The following C13orf42 variants were observed in gnomAD, a reference collection of about 807,000 sequenced individuals.
The protein encoded by C13orf42 is chromosome 13 open reading frame 42, also known as uncharacterized protein C13orf42.
At chr13:51,158,812 T>C (rs1028413911) in intron 1 of C13orf42, among the ~76,000 whole-genome samples, 6 of 152,240 alleles carry the variant, frequency 3.9e-5, no homozygotes, top group Non-Finnish European at 5.9e-5. Context: ...GTGGAACTGA[T>C]TGCACCAGCC....
At chr13:51,155,049 A>G (rs1451314077) in intron 1 of C13orf42, among the ~76,000 whole-genome samples, 2 of 152,216 alleles carry the variant, frequency 1.3e-5, no homozygotes, top group Admixed American at 1.3e-4. Flanking sequence ...AGAAATATAT[A>G]TCTAATACCT....
At chr13:51,117,148 G>A (rs937726030) in intron 1 of C13orf42, among the ~76,000 whole-genome samples, 1 of 152,242 alleles carries the variant, frequency 6.6e-6, no homozygotes, top group African/African-American at 2.4e-5. Flanking sequence ...GTGGAAGTAA[G>A]GAGGACGTCA....
intron 1 of C13orf42, among the ~76,000 whole-genome samples, chr13:51,165,107 T>C (rs888330386): frequency 7.2e-5 from 11 of 152,190 alleles, no homozygotes; most frequent in Non-Finnish European, 1.5e-4. Flanking sequence ...CCTGGCTTAT[T>C]TGGACTCTGT....
intron 1 of C13orf42, among the ~76,000 whole-genome samples, chr13:51,155,966 C>T (rs1216503064): frequency 3.3e-5 from 5 of 152,186 alleles, no homozygotes; most frequent in Non-Finnish European, 7.3e-5. Context: ...ATTTCAACAG[C>T]TTCCAGACTC....
chr13:51,134,237 C>A (rs1406688295), intron 1 of C13orf42, among the ~76,000 whole-genome samples: 1 of 152,192 alleles, frequency 6.6e-6, no homozygotes, highest in Non-Finnish European at 1.5e-5. Context: ...AATCCACCCC[C>A]ACATCAAAAA....
chr13:51,099,269 G>A (rs9596449), intron 1 of C13orf42, among the ~76,000 whole-genome samples: 4,411 of 152,176 alleles, frequency 0.029, 77 homozygotes, highest in African/African-American at 0.058. Flanking sequence ...GGGAGTTTAT[G>A]AAACAAGAAC....
chr13:51,086,316 A>C (rs1255396892), intron 2 of C13orf42, among the ~76,000 whole-genome samples: 8 of 135,724 alleles, frequency 5.9e-5, no homozygotes, highest in African/African-American at 1.4e-4. Flanking sequence ...AAAAAAAAAA[A>C]CAAAAAAAAA....
intron 1 of C13orf42, among the ~76,000 whole-genome samples, chr13:51,151,786 AGAG>A (rs1275452956): frequency 2.6e-5 from 4 of 152,254 alleles, no homozygotes; most frequent in South Asian, 2.1e-4. Context: ...TTCCTGGAGC[AGAG>A]GAGACATTTC....
chr13:51,132,302 G>A (rs1025349030), intron 1 of C13orf42, among the ~76,000 whole-genome samples: 2 of 152,004 alleles, frequency 1.3e-5, no homozygotes, highest in East Asian at 1.9e-4. Flanking sequence ...TTAGCTTGAC[G>A]TGGTGGCGTA....
chr13:51,139,993 T>C (rs767010040), intron 1 of C13orf42, among the ~76,000 whole-genome samples: 1 of 152,092 alleles, frequency 6.6e-6, no homozygotes. Flanking sequence ...TGGTAAGAAG[T>C]GTGAAAGAAA....
At chr13:51,149,832 C>T (rs935850118) in intron 1 of C13orf42, among the ~76,000 whole-genome samples, 7 of 152,268 alleles carry the variant, frequency 4.6e-5, no homozygotes, top group South Asian at 4.1e-4. Flanking sequence ...CTTTCTCTGA[C>T]GTTTTTAGGC....
At chr13:51,111,543 G>A (rs1186205674), upstream of C13orf42, among the ~76,000 whole-genome samples, 1 of 152,232 alleles carries the variant, frequency 6.6e-6, no homozygotes, top group East Asian at 1.9e-4. Flanking sequence ...CCAGCTGGAT[G>A]AAGAAAGTGG....
intron 1 of C13orf42, among the ~76,000 whole-genome samples, chr13:51,136,937 C>A (rs1953662217): frequency 6.6e-6 from 1 of 152,180 alleles, no homozygotes; most frequent in Non-Finnish European, 1.5e-5. Flanking sequence ...TTTCTGCTGT[C>A]CCTGCTTCTC....
At chr13:51,087,876 C>T in intron 2 of C13orf42, 52 bp downstream of exon 2, 1 of 398,628 alleles carries the variant, frequency 2.5e-6, no homozygotes, top group Non-Finnish European at 4.4e-6. Flanking sequence ...CACAGCATCA[C>T]AGCCCCACCC....
intron 1 of C13orf42, among the ~76,000 whole-genome samples, chr13:51,158,185 T>A (rs1953838662): frequency 6.6e-6 from 1 of 152,206 alleles, no homozygotes; most frequent in African/African-American, 2.4e-5. Flanking sequence ...TAAGTAGAGA[T>A]GCCAGGATTT....
intron 1 of C13orf42, among the ~76,000 whole-genome samples, chr13:51,145,487 C>A (rs1953727330): frequency 6.6e-6 from 1 of 152,148 alleles, no homozygotes; most frequent in South Asian, 2.1e-4. Flanking sequence ...CAGATGAAAC[C>A]TGAGACCAGA....
At chr13:51,110,071 A>C (rs1953410152) in intron 1 of C13orf42, among the ~76,000 whole-genome samples, 2 of 151,786 alleles carry the variant, frequency 1.3e-5, no homozygotes, top group Non-Finnish European at 2.9e-5. Context: ...AGAGACACAG[A>C]CTCTCTCCGT....
At chr13:51,118,558 G>A (rs1372790204) in intron 1 of C13orf42, among the ~76,000 whole-genome samples, 1 of 152,220 alleles carries the variant, frequency 6.6e-6, no homozygotes, top group East Asian at 1.9e-4. Context: ...GAGTGAAGCT[G>A]CCCTGATGGG....
chr13:51,170,338 G>C (rs969967966), intron 1 of C13orf42, among the ~76,000 whole-genome samples: 1 of 152,110 alleles, frequency 6.6e-6, no homozygotes, highest in Admixed American at 6.5e-5. Flanking sequence ...GACTCGGATC[G>C]GGGGACCTCC....
Sources: gnomAD v4.1 joint callset for allele counts (sites outside exome capture counted in the v4.1 genomes callset) on GRCh38, gnomAD v4.1.1 for gene constraint, MANE v1.5 for transcripts, NCBI Gene and HGNC (gene_info 2026-07-23, HGNC 2026-07-21) for gene names.